ADAMTS2: variants seen among roughly 807,000 people sequenced by gnomAD.
ADAMTS2 encodes ADAM metallopeptidase with thrombospondin type 1 motif 2.
A neutral mutation model predicts 123.0 loss-of-function variants in ADAMTS2; 50 were observed. That is an observed-to-expected ratio of 0.41 (90% CI 0.32 to 0.51). The LOEUF (loss-of-function observed/expected upper bound fraction) is 0.51, where lower values mean the gene tolerates loss of function less well. Among genes scored for constraint, ADAMTS2 ranks in the 20% least tolerant of loss-of-function variants. The pLI is 0.35. For synonymous variants in ADAMTS2, 678 were observed against 695.4 expected, an observed-to-expected ratio of 0.98 and a Z score of 0.39; for missense variants, 1,494 against 1,705.2, an observed-to-expected ratio of 0.88 and a Z score of 2.18.
intron 13 of ADAMTS2, 144 bp from the exon 14 acceptor site, chr5:179,133,044 C>G (rs1479139169): frequency 1.8e-6 from 2 of 1,123,324 alleles, no homozygotes; most frequent in African/African-American, 3.1e-5. Flanking sequence ...CAGGCGTGAA[C>G]CACCTTGCCT....
At chr5:179,248,312 G>A (rs1765849545) in intron 3 of ADAMTS2, among the ~76,000 whole-genome samples, 1 of 152,022 alleles carries the variant, frequency 6.6e-6, no homozygotes, top group Non-Finnish European at 1.5e-5. Context: ...GGAAATATTT[G>A]AGGAATTGAG....
At chr5:179,131,306 C>CCA (rs1554124357) in intron 15 of ADAMTS2, among the ~76,000 whole-genome samples, 1 of 22,660 alleles carries the variant, frequency 4.4e-5, no homozygotes, top group African/African-American at 1.3e-4. Flanking sequence ...GAGCGAGACT[C>CCA]AAAAAAAAAA....
chr5:179,208,111 C>A (rs1764754376), intron 3 of ADAMTS2, among the ~76,000 whole-genome samples: 2 of 152,018 alleles, frequency 1.3e-5, no homozygotes, highest in African/African-American at 2.4e-5. Context: ...GAACCTCAGC[C>A]CGCACTGCCT....
At chr5:179,231,682 A>G (rs1324137610) in intron 3 of ADAMTS2, among the ~76,000 whole-genome samples, 1 of 152,222 alleles carries the variant, frequency 6.6e-6, no homozygotes, top group Non-Finnish European at 1.5e-5. Flanking sequence ...CCTGTCTCGC[A>G]GCTGACATGG....
chr5:179,279,502 C>T (rs1260734287), intron 2 of ADAMTS2, among the ~76,000 whole-genome samples: 2 of 152,228 alleles, frequency 1.3e-5, no homozygotes, highest in Non-Finnish European at 2.9e-5. Context: ...GGCAGCCTCC[C>T]CTGCTGTGAC....
At chr5:179,254,538 T>C (rs943280219) in intron 3 of ADAMTS2, among the ~76,000 whole-genome samples, 3 of 152,156 alleles carry the variant, frequency 2.0e-5, no homozygotes, top group African/African-American at 2.4e-5. Flanking sequence ...CATTGATTTT[T>C]AAAAGGTCAG....
chr5:179,269,116 G>T (rs189630030), intron 3 of ADAMTS2, among the ~76,000 whole-genome samples: 1 of 152,180 alleles, frequency 6.6e-6, no homozygotes, highest in Admixed American at 6.5e-5. Flanking sequence ...GACATGACCC[G>T]GGGGCAGAGA....
chr5:179,159,916 T>C (rs1428442632), intron 5 of ADAMTS2, among the ~76,000 whole-genome samples: 1 of 152,188 alleles, frequency 6.6e-6, no homozygotes, highest in African/African-American at 2.4e-5. Context: ...CCTTCCTTTT[T>C]TCCTCCACAA....
intron 3 of ADAMTS2, among the ~76,000 whole-genome samples, chr5:179,268,305 C>G (rs982588651): frequency 6.6e-6 from 1 of 152,222 alleles, no homozygotes; most frequent in African/African-American, 2.4e-5. Context: ...TTCTTGGTCT[C>G]CACGTTTCCA....
At chr5:179,146,550 G>A (rs1763252799) in intron 10 of ADAMTS2, among the ~76,000 whole-genome samples, 1 of 152,166 alleles carries the variant, frequency 6.6e-6, no homozygotes, top group Non-Finnish European at 1.5e-5. Flanking sequence ...AACATTTCAT[G>A]GCAAATCAGA....
Position 179,301,728 on chromosome 5 carries a change from C to T in ADAMTS2, c.535-28664G>A, listed in dbSNP as rs561017808. On this transcript the variant is annotated intron_variant, in intron 2 of 21. Coordinates refer to ENST00000251582, the MANE Select transcript of ADAMTS2 (RefSeq NM_014244.5). ...TAAGTATGCTGAACTTCAGTTTTGA[C>T]GCAGAACTTGGAGACAACCCATCCT... is the stretch of plus-strand genomic sequence containing the variant. 8.3e-4 allele frequency among the ~76,000 whole-genome samples: 127 copies of T among 152,366 alleles called. 1 individual carries two copies. The highest frequency in any genetic ancestry group is 2.8e-3 in the African/African-American group (118 of 41,580).
intron 2 of ADAMTS2, among the ~76,000 whole-genome samples, chr5:179,276,306 G>A (rs1046571804): frequency 3.3e-5 from 5 of 152,152 alleles, no homozygotes; most frequent in African/African-American, 9.7e-5. Context: ...TGATGGTCCC[G>A]GTGCGTGGTG....
chr5:179,116,032 A>G (rs1248649298), intron 21 of ADAMTS2, among the ~76,000 whole-genome samples: 2 of 150,206 alleles, frequency 1.3e-5, no homozygotes, highest in East Asian at 3.9e-4. Flanking sequence ...TCTGCTGCCC[A>G]CCCTGTCTCG....
chr5:179,245,043 A>G (rs375187948), intron 3 of ADAMTS2, among the ~76,000 whole-genome samples: 4 of 152,248 alleles, frequency 2.6e-5, no homozygotes, highest in African/African-American at 9.6e-5. Flanking sequence ...AAGGAAAATT[A>G]ACATTGTAAA....
chr5:179,163,822 C>T (rs1372717253), intron 5 of ADAMTS2, among the ~76,000 whole-genome samples: 1 of 152,252 alleles, frequency 6.6e-6, no homozygotes, highest in Non-Finnish European at 1.5e-5. Context: ...CGTTCTCCAA[C>T]CCCAAGGAGG....
intron 20 of ADAMTS2, among the ~76,000 whole-genome samples, chr5:179,122,067 G>A (rs905897283): frequency 3.3e-5 from 5 of 152,110 alleles, no homozygotes; most frequent in Non-Finnish European, 7.4e-5. Context: ...CTGCTGACTC[G>A]AGCTCTGAGC....
intron 5 of ADAMTS2, among the ~76,000 whole-genome samples, chr5:179,164,591 G>A (rs1763663386): frequency 6.6e-6 from 1 of 152,186 alleles, no homozygotes; most frequent in Admixed American, 6.5e-5. Context: ...CGTGGGGTCC[G>A]CAGTGCAGGA....
chr5:179,338,507 G>C (rs1757683480), intron 2 of ADAMTS2, among the ~76,000 whole-genome samples: 1 of 152,186 alleles, frequency 6.6e-6, no homozygotes. Context: ...AAGGCAGCAG[G>C]GGAGGGAGTC....
intron 3 of ADAMTS2, among the ~76,000 whole-genome samples, chr5:179,258,256 G>C (rs1021321338): frequency 6.6e-6 from 1 of 151,904 alleles, no homozygotes; most frequent in African/African-American, 2.4e-5. Context: ...TTCCCAGCCT[G>C]ACCCCCCCAG....
Sources: allele counts gnomAD v4.1 joint callset (sites outside exome capture counted in the v4.1 genomes callset), GRCh38; gene constraint gnomAD v4.1.1; transcripts MANE v1.5; gene names NCBI Gene and HGNC (gene_info 2026-07-23, HGNC 2026-07-21).